DMAC2L: variants seen among roughly 807,000 people sequenced by gnomAD.
DMAC2L encodes the protein ATP synthase subunit s, mitochondrial.
DMAC2L carries 21 observed loss-of-function variants against 22.5 expected under a neutral mutation model. That is an observed-to-expected ratio of 0.93 (90% CI 0.66 to 1.34). DMAC2L has a LOEUF of 1.34. Among genes scored for constraint, DMAC2L ranks in the 40% most tolerant of loss-of-function variants. The probability of loss-of-function intolerance (pLI) is 0.00; values close to 1 mark genes in which losing one functional copy is unlikely to be tolerated. For synonymous variants in DMAC2L, 86 were observed against 89.5 expected (o/e 0.96, Z 0.22); for missense variants, 239 against 246.5 (o/e 0.97, Z 0.20).
intron 2 of DMAC2L, among the ~76,000 whole-genome samples, chr14:50,315,059 C>T (rs575931761): frequency 5.4e-5 from 8 of 148,404 alleles, no homozygotes; most frequent in Non-Finnish European, 1.0e-4. Context: ...CTCTGCCTCC[C>T]GGGTTCACAC....
At chr14:50,323,390 CTTTTTT>C (rs10609243) in intron 4 of DMAC2L, among the ~76,000 whole-genome samples, 10 of 93,326 alleles carry the variant, frequency 1.1e-4, no homozygotes, top group Non-Finnish European at 1.0e-4. Context: ...CACCCGGCCT[CTTTTTT>C]TTTTTTTTTT....
intron 3 of DMAC2L, among the ~76,000 whole-genome samples, chr14:50,322,263 A>T (rs1376956456): frequency 6.6e-6 from 1 of 152,292 alleles, no homozygotes; most frequent in Admixed American, 6.5e-5. Flanking sequence ...TGATAAATTC[A>T]TATAAAAATA....
Position 50,321,410 on chromosome 14 carries a change from G to T in DMAC2L, c.-5-73G>T. On this transcript the variant is annotated intron_variant, in intron 2 of 5. Transcript: ENST00000557421. ...TCAGCTTTATCAGTACAAGAGCATT[G>T]ACTCTGAAGTAAGTTGCTATATGTA... is the stretch of plus-strand genomic sequence containing the variant. 2.5e-6 allele frequency: 4 copies of T among 1,578,326 alleles called. No homozygotes were observed. The South Asian group carries it at 4.7e-5, about 18-fold the overall frequency.
At position 50,325,645 on chromosome 14, in the gene DMAC2L, A is replaced by T; in HGVS notation, c.525A>T (p.Gly175=). 1 of 1,612,656 alleles carries T rather than the reference A, an allele frequency of 6.2e-7. No homozygotes were observed. The highest frequency in any genetic ancestry group is 8.5e-7 in the Non-Finnish European group (1 of 1,179,358). ...LKYLLLSDLP[G]VREKENLVQA... ...ATTTGTTGTTAAGTGATCTTCCTGG[A>T]GTAAGAGAAAAAGAAAATCTTGTCC... Residue 175 remains glycine, a synonymous_variant, in exon 6 of 6, where the codon GGA becomes GGT. Transcript: ENST00000557421.
At chr14:50,317,039 A>T (rs1566554669) in intron 2 of DMAC2L, among the ~76,000 whole-genome samples, 1 of 152,282 alleles carries the variant, frequency 6.6e-6, no homozygotes, top group South Asian at 2.1e-4. Context: ...TCATTTTCAC[A>T]ATGTTGACTC....
intron 2 of DMAC2L, chr14:50,319,377 A>C: frequency 6.5e-7 from 1 of 1,526,878 alleles, no homozygotes; most frequent in Non-Finnish European, 8.8e-7. Context: ...CCTCAGCTTT[A>C]AGGTGTTTCC....
rs1198589355 is a variant in DMAC2L, at chr14:50,322,666, AG to A, written c.265del (p.Ala89ArgfsTer10). The A allele has an allele frequency of 6.2e-7, 1 of 1,614,040 alleles. No individual in the cohort carries two copies. The highest frequency in any genetic ancestry group is 8.5e-7 in the Non-Finnish European group (1 of 1,180,032). ...PTGPLDKYKI[Q>X]AIDATDSCIM... ...GGCCCTCTGGACAAATACAAGATTC[AG>A]GCGATCGACGCCACCGACTCTTGTA... On this transcript the variant is annotated frameshift_variant, in exon 4 of 6. Transcript: ENST00000557421. LOFTEE classifies it high-confidence loss of function.
intron 1 of DMAC2L, 74 bp downstream of exon 1, chr14:50,312,463 A>G (rs1239680948): frequency 6.5e-6 from 3 of 463,402 alleles, no homozygotes; most frequent in South Asian, 4.6e-5. Context: ...CCCGTCGCCA[A>G]CGCTGGGCTG....
intron 4 of DMAC2L, 133 bp downstream of exon 4, chr14:50,322,852 CTG>C: frequency 6.7e-7 from 1 of 1,500,286 alleles, no homozygotes; most frequent in Non-Finnish European, 8.9e-7. Context: ...TTGTTTCTTC[CTG>C]TGTTTGATAT....
intron 1 of DMAC2L, chr14:50,313,164 A>G (rs1016934250): frequency 2.1e-6 from 2 of 968,224 alleles, no homozygotes; most frequent in African/African-American, 1.6e-5. Context: ...CGGTGTTGCT[A>G]ACACTCATTC....
Position 50,326,525 on chromosome 14 carries a change from C to T in DMAC2L, c.*802C>T, listed in dbSNP as rs533034731. 3.2e-5 allele frequency: 32 copies of T among 985,380 alleles called. No homozygotes were observed. In the East Asian group the frequency reaches 5.7e-4, roughly 17 times the overall value. 61.0% of individuals were successfully genotyped at this position (985,380 alleles called of 1,614,324 possible). A position where few individuals can be genotyped will look rare whatever the true frequency, so the allele number is the denominator to read the frequency against. ...GCATGCATTGCTTCAACAGGATTTG[C>T]GTGCATTTCCCATGATCCTGCATTC... On this transcript the variant is annotated 3_prime_UTR_variant, in exon 6 of 6. Transcript: ENST00000557421.
At chr14:50,311,874 C>T (rs895688305), upstream of DMAC2L, 54 of 1,192,762 alleles carry the variant, frequency 4.5e-5, no homozygotes, top group Non-Finnish European at 5.6e-5. Flanking sequence ...TCCTGGGATC[C>T]GAGGTTGGAG....
chr14:50,312,539 G>A, intron 1 of DMAC2L, 150 bp downstream of exon 1: 1 of 329,908 alleles, frequency 3.0e-6, no homozygotes, highest in Non-Finnish European at 5.6e-6. Context: ...ATGGGGCCGT[G>A]GGAGAAACTC....
upstream of DMAC2L, chr14:50,312,291 G>C: frequency 1.5e-6 from 2 of 1,295,876 alleles, no homozygotes; most frequent in Non-Finnish European, 2.1e-6. Flanking sequence ...GAGAGGCTGC[G>C]GTGGCCAATA....
chr14:50,327,697 T>A lies in DMAC2L; in HGVS notation c.*1974T>A, dbSNP rs1267346470. The A allele has an allele frequency of 6.6e-6, 1 of 152,068 alleles. No homozygotes were observed. The highest frequency in any genetic ancestry group is 1.5e-5 in the Non-Finnish European group (1 of 68,036). The allele number at this position is 152,068 out of a possible 1,614,324, so 9.4% of individuals were successfully genotyped here. A position where few individuals can be genotyped will look rare whatever the true frequency, so the allele number is the denominator to read the frequency against. ...CCAGACTGGTCTTGAACTCCTAACC[T>A]CAGGATCCACCCGCCTCGGCCTCCC... On this transcript the variant is annotated 3_prime_UTR_variant, in exon 6 of 6. Coordinates refer to ENST00000557421, the MANE Select transcript of DMAC2L (RefSeq NM_001382507.1).
intron 1 of DMAC2L, 130 bp downstream of exon 1, chr14:50,312,519 C>T (rs1023918829): frequency 5.5e-6 from 2 of 361,448 alleles, no homozygotes; most frequent in South Asian, 3.0e-5. Flanking sequence ...ACCTTCACCG[C>T]CATGCGGACA....
rs1359053914 is a variant in DMAC2L, at chr14:50,327,878, A to T, written c.*2155A>T. On this transcript the variant is annotated 3_prime_UTR_variant, in exon 6 of 6. Transcript: ENST00000557421. ...GTGTTTAACAGCTTATACAAATAAC[A>T]CAGTATAAATGGTAATTGCCACTGT... 6.6e-6 allele frequency: 1 copy of T among 152,222 alleles called. No individual in the cohort carries two copies. The highest frequency in any genetic ancestry group is 2.1e-4 in the South Asian group (1 of 4,830). 9.4% of individuals were successfully genotyped at this position (152,222 alleles called of 1,614,324 possible). A position where few individuals can be genotyped will look rare whatever the true frequency, so the allele number is the denominator to read the frequency against.
At chr14:50,321,714 T>A in intron 3 of DMAC2L, 120 bp downstream of exon 3, 1 of 620,620 alleles carries the variant, frequency 1.6e-6, no homozygotes, top group South Asian at 2.7e-5. Flanking sequence ...TAATTTTGTT[T>A]ACAAACAAAC....
At chr14:50,315,689 A>AAAAG (rs1555335335) in intron 2 of DMAC2L, among the ~76,000 whole-genome samples, 1 of 137,122 alleles carries the variant, frequency 7.3e-6, no homozygotes, top group African/African-American at 2.8e-5. Context: ...AAAAAAAAAA[A>AAAAG]GAGTAATAAA....
Sources: allele counts gnomAD v4.1 joint callset (sites outside exome capture counted in the v4.1 genomes callset), GRCh38; gene constraint gnomAD v4.1.1; transcripts MANE v1.5; gene names NCBI Gene and HGNC (gene_info 2026-07-23, HGNC 2026-07-21).